Variants in ZNF722 observed in about 807,000 individuals in gnomAD.
The protein encoded by ZNF722 is zinc finger protein 722.
the ZNF722 span, among the ~76,000 whole-genome samples, chr7:64,002,975 A>G: frequency 6.6e-6 from 1 of 152,220 alleles, no homozygotes; most frequent in African/African-American, 2.4e-5. Context: ...AAGCACAGTC[A>G]GCATTTACAG....
At chr7:64,004,425 A>AAAAATATAT in the ZNF722 span, among the ~76,000 whole-genome samples, 77 of 61,090 alleles carry the variant, frequency 1.3e-3, 1 homozygote, top group South Asian at 1.9e-3. Flanking sequence ...AAAAAAAAAA[A>AAAAATATAT]ATATATATAT....
At chr7:64,002,568 TAGAG>T in the ZNF722 span, among the ~76,000 whole-genome samples, 3 of 152,162 alleles carry the variant, frequency 2.0e-5, no homozygotes, top group South Asian at 2.1e-4. Context: ...AAAGTAATGA[TAGAG>T]AAACATAAGA....
At chr7:64,004,552 T>C in the ZNF722 span, among the ~76,000 whole-genome samples, 2 of 150,768 alleles carry the variant, frequency 1.3e-5, no homozygotes, top group Non-Finnish European at 2.9e-5. Flanking sequence ...AATACAAATG[T>C]GTCCTAATAA....
At chr7:64,011,760 A>C in the ZNF722 span, among the ~76,000 whole-genome samples, 1 of 151,504 alleles carries the variant, frequency 6.6e-6, no homozygotes, top group African/African-American at 2.4e-5. Flanking sequence ...TATCTTTGTG[A>C]TGTTCTCTGT....
chr7:63,999,515 C>A, the ZNF722 span, among the ~76,000 whole-genome samples: 10 of 152,098 alleles, frequency 6.6e-5, no homozygotes, highest in African/African-American at 2.4e-4. Context: ...GAAGGAAATT[C>A]TGTTATAAGT....
At chr7:64,004,425 A>AAAAAAATATATATATATAT in the ZNF722 span, among the ~76,000 whole-genome samples, 5 of 61,102 alleles carry the variant, frequency 8.2e-5, no homozygotes, top group African/African-American at 4.0e-4. Context: ...AAAAAAAAAA[A>AAAAAAATATATATATATAT]ATATATATAT....
the ZNF722 span, among the ~76,000 whole-genome samples, chr7:64,008,535 T>C: frequency 6.6e-6 from 1 of 152,222 alleles, no homozygotes; most frequent in Admixed American, 6.5e-5. Context: ...GTCAGGTTTG[T>C]CAAAGATCAG....
At chr7:64,016,140 A>T in the ZNF722 span, 9,435 of 432,602 alleles carry the variant, frequency 0.022, 725 homozygotes, top group East Asian at 0.2. Flanking sequence ...GAATTTATTT[A>T]AAAAAAATAT....
chr7:64,014,922 A>T, the ZNF722 span: 2 of 860,470 alleles, frequency 2.3e-6, no homozygotes, highest in South Asian at 3.6e-5. Flanking sequence ...GTAATTTGAT[A>T]TGCCATTTTG....
the ZNF722 span, among the ~76,000 whole-genome samples, chr7:63,999,592 G>A: frequency 1.3e-5 from 2 of 152,304 alleles, no homozygotes; most frequent in Admixed American, 1.3e-4. Flanking sequence ...TTATTTGTAA[G>A]ATCCAGGTGA....
the ZNF722 span, among the ~76,000 whole-genome samples, chr7:64,016,502 A>G: frequency 6.6e-6 from 1 of 152,214 alleles, no homozygotes; most frequent in African/African-American, 2.4e-5. Context: ...CTGTTAATTC[A>G]TTCTAGAGAG....
chr7:64,013,632 T>A, the ZNF722 span, among the ~76,000 whole-genome samples: 1 of 152,142 alleles, frequency 6.6e-6, no homozygotes, highest in Non-Finnish European at 1.5e-5. Context: ...ATTTTTATGC[T>A]TATATCTTTC....
chr7:64,015,786 A>C, the ZNF722 span: 1 of 1,612,176 alleles, frequency 6.2e-7, no homozygotes, highest in South Asian at 1.1e-5. Context: ...CTCAACCCTT[A>C]AGACACATAA....
the ZNF722 span, among the ~76,000 whole-genome samples, chr7:64,014,811 T>A: frequency 6.6e-6 from 1 of 152,302 alleles, no homozygotes; most frequent in Middle Eastern, 3.4e-3. Context: ...GACATTGTGC[T>A]CACATGGGGC....
chr7:64,006,749 G>T, the ZNF722 span, among the ~76,000 whole-genome samples: 1 of 151,732 alleles, frequency 6.6e-6, no homozygotes, highest in Non-Finnish European at 1.5e-5. Flanking sequence ...TTTCTACACA[G>T]GCCATTCTGT....
the ZNF722 span, among the ~76,000 whole-genome samples, chr7:64,017,983 G>A: frequency 6.6e-6 from 1 of 152,124 alleles, no homozygotes; most frequent in South Asian, 2.1e-4. Context: ...TTGCATCAGA[G>A]ATATAAGAGA....
the ZNF722 span, chr7:64,015,323 A>G: frequency 7.5e-7 from 1 of 1,339,870 alleles, no homozygotes; most frequent in East Asian, 2.4e-5. Context: ...AACATTTCAA[A>G]TGTAAAAAAT....
the ZNF722 span, among the ~76,000 whole-genome samples, chr7:64,016,418 T>C: frequency 6.6e-6 from 1 of 151,824 alleles, no homozygotes; most frequent in Non-Finnish European, 1.5e-5. Context: ...AGAATTTATA[T>C]TAGAGATACC....
the ZNF722 span, among the ~76,000 whole-genome samples, chr7:63,999,747 G>T: frequency 2.0e-5 from 3 of 152,154 alleles, no homozygotes; most frequent in African/African-American, 7.2e-5. Context: ...ACCCAGGCTG[G>T]AGTGCAATGG....
Sources: gnomAD v4.1 joint callset for allele counts (sites outside exome capture counted in the v4.1 genomes callset) on GRCh38, gnomAD v4.1.1 for gene constraint, MANE v1.5 for transcripts, NCBI Gene and HGNC (gene_info 2026-07-23, HGNC 2026-07-21) for gene names.